ABLIM1: variants seen among roughly 807,000 people sequenced by gnomAD.
ABLIM1 encodes actin-binding LIM protein 1.
ABLIM1 carries 40 observed loss-of-function variants against 107.0 expected under a neutral mutation model. The ratio of observed to expected loss-of-function variants is 0.37; its 90% CI spans 0.29 to 0.49. ABLIM1 has a LOEUF of 0.49. Ranked by LOEUF, ABLIM1 falls within the 20% of genes least tolerant of loss-of-function variation. The probability of loss-of-function intolerance (pLI) is 0.97; values close to 1 mark genes in which losing one functional copy is unlikely to be tolerated. For missense variants in ABLIM1, 857 were observed against 1,008.5 expected (o/e 0.85, Z 2.04); for synonymous variants, 357 against 357.3 (o/e 1.00, Z 0.01).
chr10:114,574,272 A>G (rs2072141627), intron 3 of ABLIM1, among the ~76,000 whole-genome samples: 1 of 152,178 alleles, frequency 6.6e-6, no homozygotes, highest in African/African-American at 2.4e-5. Context: ...GAATTGATCA[A>G]TAAAGCAGCT....
chr10:114,588,942 A>G (rs960001331), intron 2 of ABLIM1, among the ~76,000 whole-genome samples: 2 of 152,096 alleles, frequency 1.3e-5, no homozygotes, highest in Non-Finnish European at 2.9e-5. Flanking sequence ...TATTTAATTT[A>G]TGTACCGCAT....
chr10:114,709,207 G>A (rs546052678), intron 1 of ABLIM1, among the ~76,000 whole-genome samples: 26 of 152,262 alleles, frequency 1.7e-4, no homozygotes, highest in South Asian at 1.0e-3. Context: ...AAGCCATGCC[G>A]TGATAGGAAT....
intron 2 of ABLIM1, among the ~76,000 whole-genome samples, chr10:114,581,331 T>G (rs927737020): frequency 6.6e-6 from 1 of 152,196 alleles, no homozygotes; most frequent in African/African-American, 2.4e-5. Flanking sequence ...AGCAACTATT[T>G]CTTCAACCTT....
intron 3 of ABLIM1, among the ~76,000 whole-genome samples, chr10:114,573,923 C>T (rs1356806739): frequency 6.6e-6 from 1 of 152,020 alleles, no homozygotes; most frequent in Non-Finnish European, 1.5e-5. Context: ...CAGAACTTTG[C>T]TTTTGATTAA....
At chr10:114,791,591 T>C in the ABLIM1 span, among the ~76,000 whole-genome samples, 1 of 151,676 alleles carries the variant, frequency 6.6e-6, no homozygotes, top group Non-Finnish European at 1.5e-5. Flanking sequence ...TGAGCCAAGA[T>C]TGCGCCACTG....
chr10:114,523,791 C>A (rs530139371), intron 6 of ABLIM1, among the ~76,000 whole-genome samples: 1 of 152,306 alleles, frequency 6.6e-6, no homozygotes, highest in East Asian at 1.9e-4. Flanking sequence ...CATTGACATT[C>A]ATTTGTCTGT....
chr10:114,785,011 G>T, the ABLIM1 span, among the ~76,000 whole-genome samples: 1 of 152,304 alleles, frequency 6.6e-6, no homozygotes, highest in East Asian at 1.9e-4. Context: ...TATACTTGCA[G>T]AGTAAGTACC....
the ABLIM1 span, among the ~76,000 whole-genome samples, chr10:114,782,358 G>A: frequency 3.3e-5 from 5 of 152,068 alleles, no homozygotes; most frequent in Non-Finnish European, 5.9e-5. Flanking sequence ...AGAAAAGGCA[G>A]ATTTAAATTG....
intron 1 of ABLIM1, among the ~76,000 whole-genome samples, chr10:114,614,197 C>T (rs2076986476): frequency 6.6e-6 from 1 of 152,086 alleles, no homozygotes; most frequent in Non-Finnish European, 1.5e-5. Flanking sequence ...TACACCTGTA[C>T]TCCCAGCACG....
intron 1 of ABLIM1, among the ~76,000 whole-genome samples, chr10:114,722,448 A>G (rs139088064): frequency 2.0e-5 from 3 of 152,304 alleles, no homozygotes; most frequent in Non-Finnish European, 2.9e-5. Context: ...CAGGATTACA[A>G]TTTGAAATGA....
intron 2 of ABLIM1, among the ~76,000 whole-genome samples, chr10:114,586,396 T>C (rs780549878): frequency 2.0e-5 from 3 of 152,132 alleles, no homozygotes; most frequent in African/African-American, 7.2e-5. Flanking sequence ...GAGAAGAAAC[T>C]AGAATGGGAT....
At chr10:114,552,875 T>C (rs980838011) in intron 4 of ABLIM1, among the ~76,000 whole-genome samples, 1 of 152,180 alleles carries the variant, frequency 6.6e-6, no homozygotes, top group African/African-American at 2.4e-5. Context: ...CTCAATAGAC[T>C]CCCTTTTTCC....
intron 1 of ABLIM1, among the ~76,000 whole-genome samples, chr10:114,753,527 A>T (rs574272954): frequency 2.6e-4 from 40 of 152,354 alleles, no homozygotes; most frequent in African/African-American, 9.6e-4. Context: ...GTCATAAAAC[A>T]TGAGCAATGT....
chr10:114,763,298 A>G (rs2082794310), intron 1 of ABLIM1, among the ~76,000 whole-genome samples: 1 of 152,242 alleles, frequency 6.6e-6, no homozygotes, highest in Non-Finnish European at 1.5e-5. Context: ...AACTTTGTAT[A>G]ATTCCAGCCT....
At chr10:114,686,012 G>T (rs889722373), upstream of ABLIM1, among the ~76,000 whole-genome samples, 8 of 152,122 alleles carry the variant, frequency 5.3e-5, no homozygotes, top group Non-Finnish European at 1.2e-4. Flanking sequence ...GCTAAAATAG[G>T]GTGCTAGTTT....
At chr10:114,527,008 T>G in intron 6 of ABLIM1, 1 of 980,498 alleles carries the variant, frequency 1.0e-6, no homozygotes, top group Non-Finnish European at 1.2e-6. Context: ...TAGATTTACT[T>G]TCTTTCTTTT....
chr10:114,781,959 A>G, the ABLIM1 span, among the ~76,000 whole-genome samples: 3 of 151,946 alleles, frequency 2.0e-5, no homozygotes, highest in Non-Finnish European at 1.5e-5. Context: ...TTGGATCTCC[A>G]TAAATGTTTC....
intron 1 of ABLIM1, among the ~76,000 whole-genome samples, chr10:114,604,289 T>C (rs1265810674): frequency 6.6e-6 from 1 of 152,236 alleles, no homozygotes; most frequent in African/African-American, 2.4e-5. Flanking sequence ...TTCCATGCTG[T>C]TTGTATAAAT....
chr10:114,706,203 T>C (rs2081417313), intron 1 of ABLIM1, among the ~76,000 whole-genome samples: 1 of 152,176 alleles, frequency 6.6e-6, no homozygotes, highest in South Asian at 2.1e-4. Context: ...TACAAATCAG[T>C]ATAGCAAAGG....
Sources: gnomAD v4.1 joint callset for allele counts (sites outside exome capture counted in the v4.1 genomes callset) on GRCh38, gnomAD v4.1.1 for gene constraint, MANE v1.5 for transcripts, NCBI Gene and HGNC (gene_info 2026-07-23, HGNC 2026-07-21) for gene names.